Variants in GSTM2 observed in about 807,000 individuals in gnomAD.
GSTM2 encodes GST class-mu 2.
Under a neutral mutation model 33.3 loss-of-function variants are expected in GSTM2, and 33 were observed. The ratio of observed to expected loss-of-function variants is 0.99; its 90% CI spans 0.75 to 1.33. The LOEUF is 1.33. GSTM2 is among the 40% of genes most tolerant of loss of function. The pLI, the probability that GSTM2 is intolerant of heterozygous loss-of-function variation, is 0.00. For missense variants in GSTM2, 213 were observed against 265.8 expected (o/e 0.80, Z 1.38); for synonymous variants, 93 against 95.6 (o/e 0.97, Z 0.16).
At chr1:109,671,131 G>A in intron 5 of GSTM2, 156 bp from the exon 6 acceptor site, 3 of 644,866 alleles carry the variant, frequency 4.7e-6, no homozygotes, top group Non-Finnish European at 8.6e-6. Flanking sequence ...AATAAATGCT[G>A]ATGTATCCAG....
rs912192727 is a variant in GSTM2, at chr1:109,668,127, A to T, written c.12A>T (p.Thr4=). 6.2e-7 allele frequency: 1 copy of T among 1,613,188 alleles called. No individual in the cohort carries two copies. The highest frequency in any genetic ancestry group is 1.3e-5 in the African/African-American group (1 of 74,786). The change falls in exon 1 of 8, where the codon ACA becomes ACT. Residue 4 remains threonine (T), a synonymous_variant. Transcript: ENST00000241337. The part of the protein sequence containing the change: MPM[T]LGYWNIRGLA... ...CAGCAACCAGCACCATGCCCATGAC[A>T]CTGGGGTACTGGAACATCCGCGGGG...
intron 7 of GSTM2, chr1:109,673,371 G>C (rs1001652092): frequency 7.8e-7 from 1 of 1,277,014 alleles, no homozygotes; most frequent in African/African-American, 1.5e-5. Context: ...TGAAGTGTGT[G>C]CTGAACTTGT....
chr1:109,678,961 T>G (rs1435510473), downstream of GSTM2, among the ~76,000 whole-genome samples: 1 of 152,130 alleles, frequency 6.6e-6, no homozygotes, highest in Non-Finnish European at 1.5e-5. Flanking sequence ...TTCTTTCCCG[T>G]TTTTGGTGAC....
chr1:109,669,446 G>A, intron 4 of GSTM2, 25 bp from the exon 5 acceptor site: 1 of 1,613,606 alleles, frequency 6.2e-7, no homozygotes, highest in African/African-American at 1.3e-5. Flanking sequence ...GTGAGGCTGA[G>A]AGTGAATCTG....
At chr1:109,668,539 C>T in intron 2 of GSTM2, 39 bp downstream of exon 2, 2 of 1,609,638 alleles carry the variant, frequency 1.2e-6, no homozygotes, top group Admixed American at 1.7e-5. Flanking sequence ...CCCCCTCACA[C>T]TAAGTTGGCA....
chr1:109,668,251 C>A, intron 1 of GSTM2, 100 bp downstream of exon 1: 2 of 1,383,828 alleles, frequency 1.4e-6, no homozygotes, highest in Admixed American at 1.7e-5. Flanking sequence ...CTCTTCAGGG[C>A]TGTCCCTGAC....
rs1335309769 is a variant in GSTM2 at position 109,668,349 on chromosome 1, G to C, written c.37-76G>C. 3.3e-6 allele frequency: 5 copies of C among 1,522,596 alleles called. No individual in the cohort carries two copies. In the Admixed American group the frequency reaches 5.0e-5, roughly 15 times the overall value. 94.3% of individuals were successfully genotyped at this position (1,522,596 alleles called of 1,614,324 possible). The stretch of plus-strand genomic sequence containing the variant: ...AGGCAGGAACGAGAGGAGGAGATGG[G>C]GCTCCCCTTGTGCAGAGTCGTCACA... On this transcript the variant is annotated intron_variant, in intron 1 of 7. Coordinates refer to ENST00000241337, the MANE Select transcript of GSTM2 (RefSeq NM_000848.4).
At position 109,674,531 on chromosome 1, in the gene GSTM2, T is replaced by C. The variant is rs539918604; in HGVS notation, c.568-216T>C. 3.4e-3 allele frequency among the ~76,000 whole-genome samples: 525 copies of C among 152,270 alleles called. 15 individuals are homozygous for C. The highest frequency in any genetic ancestry group is 7.1e-4 in the Non-Finnish European group (48 of 68,010). On this transcript the variant is annotated intron_variant, in intron 7 of 7. Coordinates refer to ENST00000241337, the MANE Select transcript of GSTM2 (RefSeq NM_000848.4). ...CAGCACCGTGTAGAATCTTCATAAG[T>C]GTTAGCTGTTACTGTGGTACAACAT...
At chr1:109,668,829 T>C (rs1647424633) in intron 2 of GSTM2, 96 bp from the exon 3 acceptor site, 8 of 1,389,874 alleles carry the variant, frequency 5.8e-6, no homozygotes, top group Non-Finnish European at 8.2e-6. Flanking sequence ...GATCCACCTG[T>C]CTCAGGGGTC....
chr1:109,677,359 G>C (rs557291102), downstream of GSTM2, among the ~76,000 whole-genome samples: 1 of 152,244 alleles, frequency 6.6e-6, no homozygotes, highest in Non-Finnish European at 1.5e-5. Flanking sequence ...GCCAAAAGCA[G>C]CTTTATTTTA....
downstream of GSTM2, among the ~76,000 whole-genome samples, chr1:109,677,025 A>T (rs1052049780): frequency 6.6e-6 from 1 of 152,226 alleles, no homozygotes; most frequent in Non-Finnish European, 1.5e-5. Flanking sequence ...TTAAAAAATG[A>T]GTCAGAATTT....
downstream of GSTM2, among the ~76,000 whole-genome samples, chr1:109,676,843 G>A (rs1204871210): frequency 1.3e-5 from 2 of 152,188 alleles, no homozygotes; most frequent in Admixed American, 6.5e-5. Context: ...TCACTGGAGA[G>A]TGAACTGCTT....
chr1:109,678,870 GT>G (rs1647783562), downstream of GSTM2, among the ~76,000 whole-genome samples: 1 of 151,546 alleles, frequency 6.6e-6, no homozygotes, highest in African/African-American at 2.4e-5. Flanking sequence ...ATTTTGCCTA[GT>G]CATTCTTATG....
At position 109,668,495 on chromosome 1, in the gene GSTM2, G is replaced by A. The variant is rs1647415279; in HGVS notation, c.107G>A (p.Gly36Glu). 1 of 1,614,014 alleles carries A rather than the reference G, an allele frequency of 6.2e-7. No individual in the cohort carries two copies. Among genetic ancestry groups the A allele is most frequent in the Non-Finnish European group, 8.5e-7 (1 of 1,179,990 alleles). Residue 36 changes from glycine (G) to glutamate (E), a missense_variant, in exon 2 of 8, where the codon GGG (glycine) becomes GAG (glutamate). Gly to Glu is a moderately conservative substitution (Grantham distance 98). Transcript: ENST00000241337. ...SSYEEKKYTM[G>E]DAPDYDRSQW... ...TACGAGGAAAAGAAGTACACGATGG[G>A]GGACGGTAATGGCACCCTCGAGTCT...
Position 109,668,148 on chromosome 1 carries a change from C to T in GSTM2, c.33C>T (p.Arg11=), listed in dbSNP as rs751527137. The T allele has an allele frequency of 1.6e-5, 25 of 1,563,604 alleles. 1 individual carries two copies. In the South Asian group the frequency reaches 2.7e-4, roughly 17 times the overall value. MPMTLGYWNI[R]GLAHSIRLLL... is the part of the protein sequence containing the mutation. ...TGACACTGGGGTACTGGAACATCCG[C>T]GGGGTGAGCCAGGGTCCGCTGGGCG... is the stretch of plus-strand genomic sequence containing the variant. Residue 11 remains arginine (R), a synonymous_variant, in exon 1 of 8, where the codon CGC becomes CGT. Coordinates refer to ENST00000241337, the MANE Select transcript of GSTM2 (RefSeq NM_000848.4).
At chr1:109,670,836 T>C (rs673151) in intron 5 of GSTM2, 149,434 of 156,352 alleles carry the variant, frequency 0.96, 71,458 homozygotes, top group East Asian at 1. Flanking sequence ...TTCTTCCACT[T>C]ATCCTCTGAA....
intron 5 of GSTM2, chr1:109,670,088 C>CGGAGGTGGGAAGGGGAGG (rs1647475417): frequency 2.7e-4 from 1 of 3,678 alleles, no homozygotes; most frequent in African/African-American, 1.0e-3. Flanking sequence ...TTGGGAAGGG[C>CGGAGGTGGGAAGGGGAGG]GGAGGTGGGG....
Position 109,668,455 on chromosome 1 carries a change from T to C in GSTM2, c.67T>C (p.Tyr23His). The change falls in exon 2 of 8, where the codon TAC becomes CAC. Residue 23 changes from tyrosine to histidine, a missense_variant. Physicochemically the swap from Tyr to His is moderately conservative, Grantham distance 83. Coordinates refer to ENST00000241337, the MANE Select transcript of GSTM2 (RefSeq NM_000848.4). ...CCATTCCATCCGCCTGCTCCTGGAA[T>C]ACACAGACTCAAGCTACGAGGAAAA... ...LAHSIRLLLE[Y>H]TDSSYEEKKY... 6.2e-7 allele frequency: 1 copy of C among 1,614,146 alleles called. No homozygotes were observed. Among genetic ancestry groups the C allele is most frequent in the Non-Finnish European group, 8.5e-7 (1 of 1,180,006 alleles).
chr1:109,679,399 A>T (rs1433610067), downstream of GSTM2, among the ~76,000 whole-genome samples: 3 of 152,318 alleles, frequency 2.0e-5, no homozygotes, highest in Middle Eastern at 0.01. Context: ...TCAACCTGGG[A>T]GGCAGAGGTT....
Sources: gnomAD v4.1 joint callset for allele counts (sites outside exome capture counted in the v4.1 genomes callset) on GRCh38, gnomAD v4.1.1 for gene constraint, MANE v1.5 for transcripts, NCBI Gene and HGNC (gene_info 2026-07-23, HGNC 2026-07-21) for gene names.